The following DIP2C variants were observed in gnomAD, a reference collection of about 807,000 sequenced individuals.
The protein encoded by DIP2C is DIP2 acetate--CoA ligase C (putative).
Under a neutral mutation model 192.4 loss-of-function variants are expected in DIP2C, and 33 were observed. The ratio of observed to expected loss-of-function variants is 0.17; its 90% CI spans 0.13 to 0.23. DIP2C has a LOEUF of 0.23. DIP2C is among the 10% of genes least tolerant of loss of function. The pLI is 1.00. For synonymous variants in DIP2C, 979 were observed against 864.1 expected (o/e 1.13, Z -2.33); for missense variants, 1,537 against 2,110.1 (o/e 0.73, Z 5.32).
At chr10:505,581 CCT>C (rs1396801081) in intron 1 of DIP2C, among the ~76,000 whole-genome samples, 1 of 151,944 alleles carries the variant, frequency 6.6e-6, no homozygotes, top group Non-Finnish European at 1.5e-5. Context: ...TGTGGGTGCC[CCT>C]GACCCCACAG....
chr10:452,488 T>G (rs1486531657), intron 3 of DIP2C, among the ~76,000 whole-genome samples: 3 of 152,124 alleles, frequency 2.0e-5, no homozygotes, highest in Non-Finnish European at 1.5e-5. Context: ...TCTACCTCCA[T>G]GTGCTAAGTT....
At chr10:316,059 G>A (rs928374612) in intron 31 of DIP2C, among the ~76,000 whole-genome samples, 7 of 151,942 alleles carry the variant, frequency 4.6e-5, no homozygotes, top group African/African-American at 7.3e-5. Flanking sequence ...CTTCATAGAT[G>A]TTGTACACCT....
At chr10:547,994 A>G (rs1172247604) in intron 1 of DIP2C, among the ~76,000 whole-genome samples, 2 of 152,158 alleles carry the variant, frequency 1.3e-5, no homozygotes, top group Non-Finnish European at 2.9e-5. Context: ...TCATTGTGTG[A>G]AGCCTTTTTC....
chr10:612,380 T>C (rs915522498), intron 1 of DIP2C, among the ~76,000 whole-genome samples: 2 of 152,182 alleles, frequency 1.3e-5, no homozygotes, highest in Non-Finnish European at 2.9e-5. Context: ...AAAGCATGTG[T>C]TTACATTTCA....
chr10:364,749 T>G (rs374841590), intron 19 of DIP2C, among the ~76,000 whole-genome samples, 167 bp from the exon 20 acceptor site: 1 of 152,290 alleles, frequency 6.6e-6, no homozygotes, highest in East Asian at 1.9e-4. Context: ...CCAACAGTCT[T>G]CGAGGCAGAA....
In DIP2C at chr10:544,113, C is replaced by T. The variant is rs570163238; in HGVS notation, c.86-57583G>A. Among the ~76,000 whole-genome samples the T allele has an allele frequency of 2.6e-5, 4 of 152,372 alleles. No homozygotes were observed. In the South Asian group the frequency reaches 8.3e-4, roughly 32 times the overall value. On this transcript the variant is annotated intron_variant, in intron 1 of 36. Coordinates refer to ENST00000280886, the MANE Select transcript of DIP2C (RefSeq NM_014974.3). ...TGACCTTTGGTACTGCCATCTTTCA[C>T]ATTCAAGGTGAGTGGAATCGCACAG...
intron 29 of DIP2C, among the ~76,000 whole-genome samples, chr10:330,372 G>A (rs189444098): frequency 6.6e-6 from 1 of 152,270 alleles, no homozygotes; most frequent in Admixed American, 6.5e-5. Flanking sequence ...ATCAATTGAT[G>A]GGGTAAGTGT....
At chr10:512,795 T>C (rs186179378) in intron 1 of DIP2C, among the ~76,000 whole-genome samples, 45 of 151,700 alleles carry the variant, frequency 3.0e-4, no homozygotes, top group Admixed American at 2.4e-3. Flanking sequence ...GTGCCTGTAA[T>C]CCCAGCTACT....
intron 22 of DIP2C, among the ~76,000 whole-genome samples, chr10:360,663 A>G (rs1035564334): frequency 6.6e-6 from 1 of 152,140 alleles, no homozygotes; most frequent in African/African-American, 2.4e-5. Flanking sequence ...GGGACCTTTA[A>G]AGCTGTGGAA....
At position 329,566 on chromosome 10, in the gene DIP2C, G is replaced by C. The variant is rs1179944098; in HGVS notation, c.3620C>G (p.Pro1207Arg). Residue 1207 changes from proline to arginine, a missense_variant, in exon 30 of 37, where the codon CCC (proline) becomes CGC (arginine). This residue lies in a region of DIP2C where 341 missense variants were observed against 551.7 expected (regional missense o/e 0.62). Coordinates refer to ENST00000280886, the MANE Select transcript of DIP2C (RefSeq NM_014974.3). ...YSGHQSILIP[P>R]SELETNPALW... ...GGCGGGGTTGGTTTCCAGCTCAGAGGGCGGGATCAGGATGGACTGGTGCCC... is the reference window on the plus strand; with the variant it reads ...GGCGGGGTTGGTTTCCAGCTCAGAGCGCGGGATCAGGATGGACTGGTGCCC... The C allele has an allele frequency of 6.2e-7, 1 of 1,614,082 alleles. No homozygotes were observed.
chr10:633,931 T>C (rs1477547179), intron 1 of DIP2C, among the ~76,000 whole-genome samples: 1 of 152,226 alleles, frequency 6.6e-6, no homozygotes, highest in African/African-American at 2.4e-5. Context: ...AAACTGCTTT[T>C]TTTCCTTAAA....
intron 1 of DIP2C, among the ~76,000 whole-genome samples, chr10:657,993 GCCA>G: frequency 6.6e-6 from 1 of 150,392 alleles, no homozygotes; most frequent in African/African-American, 2.4e-5. Context: ...CGCTGGACCT[GCCA>G]CTGGACCTGA....
rs542995028 is a variant in DIP2C at position 487,979 on chromosome 10, G to A, written c.86-1449C>T. On this transcript the variant is annotated intron_variant, in intron 1 of 36. Coordinates refer to ENST00000280886, the MANE Select transcript of DIP2C (RefSeq NM_014974.3). ...CCGGCAGCCATCAGCTGCCCACTAC[G>A]GAGACGCTCAGTTGCTTTTGGAAAT... is the stretch of plus-strand genomic sequence containing the variant. Among the ~76,000 whole-genome samples, 584 of 152,264 alleles carry A rather than the reference G, an allele frequency of 3.8e-3. 3 individuals are homozygous for A. The highest frequency in any genetic ancestry group is 5.9e-3 in the Non-Finnish European group (399 of 68,028).
chr10:661,901 A>G (rs1588711613), intron 1 of DIP2C: 1 of 625,756 alleles, frequency 1.6e-6, no homozygotes, highest in South Asian at 1.9e-5. Context: ...CGCCGACCTC[A>G]GGGTGTAGAC....
At chr10:454,519 CACCTATCAA>C (rs879628498) in intron 3 of DIP2C, among the ~76,000 whole-genome samples, 19,692 of 151,214 alleles carry the variant, frequency 0.13, 4,875 homozygotes, top group African/African-American at 0.4. Context: ...AAAGCATCAG[CACCTATCAA>C]ACCCCTCAGA....
intron 7 of DIP2C, among the ~76,000 whole-genome samples, chr10:414,947 G>A (rs1377712885): frequency 3.1e-5 from 4 of 127,212 alleles, no homozygotes; most frequent in Admixed American, 8.9e-5. Flanking sequence ...TTGCCATATT[G>A]CCCAGGCTGG....
intron 1 of DIP2C, among the ~76,000 whole-genome samples, chr10:494,255 C>T (rs552847257): frequency 6.6e-6 from 1 of 152,068 alleles, no homozygotes; most frequent in South Asian, 2.1e-4. Flanking sequence ...AACACAAAAG[C>T]GCATGCAGTC....
intron 17 of DIP2C, among the ~76,000 whole-genome samples, chr10:380,659 AAAT>A (rs763799858): frequency 2.0e-5 from 3 of 152,238 alleles, no homozygotes; most frequent in Non-Finnish European, 4.4e-5. Flanking sequence ...CATAAGGAGT[AAAT>A]AAAATGAGAT....
chr10:416,040 G>T, intron 6 of DIP2C, 152 bp from the exon 7 acceptor site: 1 of 1,166,666 alleles, frequency 8.6e-7, no homozygotes, highest in Non-Finnish European at 1.2e-6. Flanking sequence ...TGATCATGCT[G>T]TACGGTAGCC....
Sources: allele counts gnomAD v4.1 joint callset (sites outside exome capture counted in the v4.1 genomes callset), GRCh38; gene constraint gnomAD v4.1.1; regional missense constraint gnomAD v4.1.1; transcripts MANE v1.5; gene names NCBI Gene and HGNC (gene_info 2026-07-23, HGNC 2026-07-21).